PTPRE: variants seen among roughly 807,000 people sequenced by gnomAD.
PTPRE encodes receptor-type tyrosine-protein phosphatase epsilon.
Under a neutral mutation model 102.0 loss-of-function variants are expected in PTPRE, and 51 were observed. The observed-to-expected ratio is 0.50, with a 90% CI of 0.40 to 0.63. PTPRE has a LOEUF of 0.63. Ranked by LOEUF, PTPRE falls within the 30% of genes least tolerant of loss-of-function variation. The pLI is 0.00. For synonymous variants in PTPRE, 345 were observed against 348.2 expected (o/e 0.99, Z 0.10); for missense variants, 752 against 915.1 (o/e 0.82, Z 2.30).
intron 1 of PTPRE, among the ~76,000 whole-genome samples, chr10:127,912,066 A>C (rs116218074): frequency 1.1e-4 from 16 of 152,102 alleles, no homozygotes; most frequent in Non-Finnish European, 1.9e-4. Context: ...GGGATTATGA[A>C]GGCAGCCTCC....
At chr10:127,993,540 G>A (rs549083618) in intron 2 of PTPRE, among the ~76,000 whole-genome samples, 118 of 152,214 alleles carry the variant, frequency 7.8e-4, no homozygotes, top group African/African-American at 2.6e-3. Flanking sequence ...AGCATGCATC[G>A]GGTCTCAGGA....
At chr10:127,973,342 A>G (rs893653517) in intron 1 of PTPRE, among the ~76,000 whole-genome samples, 1 of 152,190 alleles carries the variant, frequency 6.6e-6, no homozygotes, top group African/African-American at 2.4e-5. Flanking sequence ...TTTTAAATAG[A>G]GACATGTAGC....
At chr10:128,010,586 C>CTTTTCTTTTCTT (rs1564879862) in intron 2 of PTPRE, among the ~76,000 whole-genome samples, 1 of 150,022 alleles carries the variant, frequency 6.7e-6, no homozygotes, top group Non-Finnish European at 1.5e-5. Context: ...CTTTTCTTTT[C>CTTTTCTTTTCTT]TTTTCTTTCC....
At chr10:127,982,882 T>G (rs2135469222) in intron 2 of PTPRE, among the ~76,000 whole-genome samples, 1 of 152,330 alleles carries the variant, frequency 6.6e-6, no homozygotes, top group Middle Eastern at 3.4e-3. Flanking sequence ...AACAGAGCCC[T>G]TTTGCAGTCT....
At chr10:127,993,031 A>G (rs562295932) in intron 2 of PTPRE, among the ~76,000 whole-genome samples, 53 of 152,250 alleles carry the variant, frequency 3.5e-4, no homozygotes, top group Non-Finnish European at 6.9e-4. Context: ...GATATCTGAA[A>G]AAGTTTGAAG....
In PTPRE at chr10:127,971,266, C is replaced by T. The variant is rs1263786309; in HGVS notation, c.-30-11008C>T. ...AACATTCACATCCCAAAAAGGACCCCAGTGGGCATAGGGAGCCCAGCCCAA... is the reference window on the plus strand; with the variant it reads ...AACATTCACATCCCAAAAAGGACCCTAGTGGGCATAGGGAGCCCAGCCCAA... On this transcript the variant is annotated intron_variant, in intron 1 of 20. Coordinates refer to ENST00000254667, the MANE Select transcript of PTPRE (RefSeq NM_006504.6). Among the ~76,000 whole-genome samples, 4 of 152,322 alleles carry T rather than the reference C, an allele frequency of 2.6e-5. No individual in the cohort carries two copies. The East Asian group carries it at 5.8e-4, about 22-fold the overall frequency.
chr10:127,925,492 G>GGCTA (rs1846936809), intron 1 of PTPRE, among the ~76,000 whole-genome samples: 1 of 152,164 alleles, frequency 6.6e-6, no homozygotes, highest in Admixed American at 6.5e-5. Flanking sequence ...CTTGGCAGAC[G>GGCTA]GCTACCGCAG....
chr10:127,990,828 A>G (rs2135505334), intron 2 of PTPRE, among the ~76,000 whole-genome samples: 1 of 152,322 alleles, frequency 6.6e-6, no homozygotes, highest in South Asian at 2.1e-4. Flanking sequence ...TTTAAAAAGC[A>G]TTTTATTAAT....
At chr10:128,051,132 C>T (rs1564930170) in intron 6 of PTPRE, among the ~76,000 whole-genome samples, 1 of 152,310 alleles carries the variant, frequency 6.6e-6, no homozygotes, top group East Asian at 1.9e-4. Context: ...AGCAGATCCC[C>T]TCCCCCACCC....
In PTPRE at chr10:128,049,661, T is replaced by C. The variant is rs774738194; in HGVS notation, c.415T>C (p.Phe139Leu). The C allele has an allele frequency of 6.2e-7, 1 of 1,613,336 alleles. No homozygotes were observed. The highest frequency in any genetic ancestry group is 1.1e-5 in the South Asian group (1 of 91,048). ...CGACTGCAAGCAGTTTCGGGAGGAG[T>C]TCAACGTGAGTGTGGGGAGGGCTCT... Reference protein sequence around the residue: ...ADDCKQFREEFNSLPSGHIQG... With the variant: ...ADDCKQFREELNSLPSGHIQG... The change falls in exon 6 of 21, where the codon TTC (phenylalanine) becomes CTC (leucine). Residue 139 changes from phenylalanine to leucine, a missense_variant. Physicochemically the swap from Phe to Leu is conservative, Grantham distance 22. This residue lies in a region of PTPRE where 636 missense variants were observed against 824.4 expected (regional missense o/e 0.77). Coordinates refer to ENST00000254667, the MANE Select transcript of PTPRE (RefSeq NM_006504.6).
intron 1 of PTPRE, among the ~76,000 whole-genome samples, chr10:127,932,684 C>T (rs571260648): frequency 1.1e-4 from 16 of 152,348 alleles, no homozygotes; most frequent in South Asian, 2.1e-4. Context: ...AGATTCCTCA[C>T]GCAGCAGTGA....
At chr10:127,971,498 C>T (rs554140177) in intron 1 of PTPRE, among the ~76,000 whole-genome samples, 3 of 152,166 alleles carry the variant, frequency 2.0e-5, no homozygotes, top group Admixed American at 1.3e-4. Flanking sequence ...CACTCGGTGC[C>T]GCCCTGAGGT....
intron 11 of PTPRE, among the ~76,000 whole-genome samples, chr10:128,066,555 C>G (rs1402981235): frequency 6.6e-6 from 1 of 152,198 alleles, no homozygotes; most frequent in Non-Finnish European, 1.5e-5. Context: ...CTAACACTTT[C>G]CGAATTCTGT....
chr10:128,070,155 C>A lies in PTPRE; in HGVS notation c.1144-146C>A. ...GGGCATAAATGGTCGTTATCCGTGG[C>A]CGGTACTCTGACTCTTGCCTCACAC... On this transcript the variant is annotated intron_variant, in intron 13 of 20. Transcript: ENST00000254667. This position sits in a 1 kb window ranked among gnomAD's most constrained non-coding sequence, Gnocchi z 4.8. 1 of 955,534 alleles carries A rather than the reference C, an allele frequency of 1.0e-6. No individual in the cohort carries two copies. Among genetic ancestry groups the A allele is most frequent in the Non-Finnish European group, 1.5e-6 (1 of 649,212 alleles). 59.2% of individuals were successfully genotyped at this position (955,534 alleles called of 1,614,324 possible).
chr10:127,978,760 C>G (rs1343150563), intron 1 of PTPRE, among the ~76,000 whole-genome samples: 3 of 152,114 alleles, frequency 2.0e-5, no homozygotes, highest in African/African-American at 7.2e-5. Context: ...GTAACTCATG[C>G]CTGTAATCCC....
chr10:127,923,224 A>C (rs541974254), intron 1 of PTPRE, among the ~76,000 whole-genome samples: 1 of 152,254 alleles, frequency 6.6e-6, no homozygotes, highest in East Asian at 1.9e-4. Flanking sequence ...GAGATAATCC[A>C]ATCACCTTAT....
chr10:128,054,650 G>T (rs750596669), intron 6 of PTPRE, among the ~76,000 whole-genome samples: 1 of 151,576 alleles, frequency 6.6e-6, no homozygotes, highest in Non-Finnish European at 1.5e-5. Context: ...GGGGTTTGGT[G>T]GCCCCAAAGC....
intron 3 of PTPRE, among the ~76,000 whole-genome samples, chr10:128,042,308 C>A (rs978716014): frequency 2.6e-5 from 4 of 152,180 alleles, no homozygotes; most frequent in African/African-American, 9.7e-5. Context: ...TGCAGACAGT[C>A]CCTCGGGTGG....
At chr10:127,913,382 C>T (rs1845998046) in intron 1 of PTPRE, among the ~76,000 whole-genome samples, 1 of 152,220 alleles carries the variant, frequency 6.6e-6, no homozygotes, top group African/African-American at 2.4e-5. Flanking sequence ...TCCAGCTGAA[C>T]ATTAGTCACC....
Sources: gnomAD v4.1 joint callset for allele counts (sites outside exome capture counted in the v4.1 genomes callset) on GRCh38, gnomAD v4.1.1 for gene constraint, gnomAD v4.1.1 regional missense constraint, Gnocchi (gnomAD v3.1) non-coding constraint, MANE v1.5 for transcripts, NCBI Gene and HGNC (gene_info 2026-07-23, HGNC 2026-07-21) for gene names.